The following DHTKD1 variants were observed in gnomAD, a reference collection of about 807,000 sequenced individuals.
DHTKD1 encodes 2-oxoadipate dehydrogenase complex component E1.
In DHTKD1, 78 loss-of-function variants were observed where a neutral mutation model predicts 101.8. That is an observed-to-expected ratio of 0.77 (90% confidence interval 0.64 to 0.93). The LOEUF (loss-of-function observed/expected upper bound fraction) is 0.93. DHTKD1 is among the 40% of genes least tolerant of loss of function. The pLI, the probability that DHTKD1 is intolerant of heterozygous loss-of-function variation, is 0.00. For missense variants in DHTKD1, 1,223 were observed against 1,161.7 expected (o/e 1.05, Z -0.77); for synonymous variants, 462 against 450.3 (o/e 1.03, Z -0.33).
Position 12,081,453 on chromosome 10 carries a change from A to T in DHTKD1, c.155-19A>T, listed in dbSNP as rs1203283933. 7.4e-6 allele frequency: 12 copies of T among 1,612,084 alleles called. No individual in the cohort carries two copies. The African/African-American group carries it at 8.0e-5, about 11-fold the overall frequency. On this transcript the variant is annotated intron_variant, in intron 1 of 16. Coordinates refer to ENST00000263035, the MANE Select transcript of DHTKD1 (RefSeq NM_018706.7). ...CATCTCCTAAACTGTTTGCATTTTT[A>T]AATTTTCCCCTGATTTAGTTGATCA...
intron 1 of DHTKD1, among the ~76,000 whole-genome samples, chr10:12,074,378 C>T (rs183719184): frequency 1.2e-3 from 182 of 152,010 alleles, no homozygotes; most frequent in African/African-American, 4.2e-3. Context: ...GTTTTTGAGA[C>T]GGAGTCTTGC....
chr10:12,069,263 G>A, intron 1 of DHTKD1, 76 bp downstream of exon 1: 1 of 1,343,332 alleles, frequency 7.4e-7, no homozygotes, highest in East Asian at 2.7e-5. Context: ...GCGGTGGGGT[G>A]TCGGGGTCGG....
rs755428426 is a variant in DHTKD1, at chr10:12,106,330, T to G, written c.1981T>G (p.Trp661Gly). ...TGAGAGCCCAAAGTTACTGCCCCTG[T>G]GGGAGGCACAGTTTGGCGATTTCTT... is the stretch of plus-strand genomic sequence containing the variant. ...SIESPKLLPLWEAQFGDFFNG... is the reference protein window; with the variant it reads ...SIESPKLLPLGEAQFGDFFNG... The change falls in exon 11 of 17, where the codon TGG becomes GGG. Residue 661 changes from tryptophan to glycine, a missense_variant. Coordinates refer to ENST00000263035, the MANE Select transcript of DHTKD1 (RefSeq NM_018706.7). 7.4e-6 allele frequency: 12 copies of G among 1,614,018 alleles called. No homozygotes were observed. The highest frequency in any genetic ancestry group is 1.0e-5 in the Non-Finnish European group (12 of 1,180,030).
intron 10 of DHTKD1, among the ~76,000 whole-genome samples, chr10:12,105,624 T>C (rs1287821474): frequency 6.6e-6 from 1 of 152,148 alleles, no homozygotes; most frequent in Non-Finnish European, 1.5e-5. Context: ...TTTGAAAAGC[T>C]TATAAGACGC....
intron 7 of DHTKD1, among the ~76,000 whole-genome samples, chr10:12,097,386 C>T (rs1331824195): frequency 1.3e-5 from 2 of 152,148 alleles, no homozygotes; most frequent in African/African-American, 4.8e-5. Flanking sequence ...AATTCTCCTG[C>T]CTCAGCCTCC....
Position 12,097,750 on chromosome 10 carries a change from G to T in DHTKD1, c.1425G>T (p.Glu475Asp). ...HLIAGGLMTQ[E>D]EVSEIKSSYY... ...TTGCTGGCGGACTCATGACGCAGGA[G>T]GAGGTGTCTGAAATAAAATCCTCCT... Residue 475 changes from glutamate (E) to aspartate (D), a missense_variant, in exon 8 of 17, where the codon GAG becomes GAT. Physicochemically the swap from Glu to Asp is conservative, Grantham distance 45 (BLOSUM62 2). Transcript: ENST00000263035. The T allele has an allele frequency of 6.2e-7, 1 of 1,614,170 alleles. No homozygotes were observed. The highest frequency in any genetic ancestry group is 8.5e-7 in the Non-Finnish European group (1 of 1,180,006).
intron 15 of DHTKD1, 23 bp downstream of exon 15, chr10:12,118,941 G>A: frequency 6.8e-7 from 1 of 1,479,558 alleles, no homozygotes. Context: ...TCTCATTTGG[G>A]TTTTGATGTT....
At chr10:12,100,301 TG>T (rs762749241) in intron 9 of DHTKD1, 39 bp downstream of exon 9, 3 of 837,328 alleles carry the variant, frequency 3.6e-6, no homozygotes, top group Non-Finnish European at 3.6e-6. Flanking sequence ...TTTTTTTTTT[TG>T]AGTCTCACCC....
intron 11 of DHTKD1, 58 bp downstream of exon 11, chr10:12,106,454 G>C: frequency 6.3e-7 from 1 of 1,599,182 alleles, no homozygotes; most frequent in Non-Finnish European, 8.6e-7. Flanking sequence ...CCCCAGCCTC[G>C]TGGGGACAAA....
chr10:12,069,474 T>C (rs895123682), intron 1 of DHTKD1, among the ~76,000 whole-genome samples: 1 of 151,724 alleles, frequency 6.6e-6, no homozygotes. Flanking sequence ...TTTCCTTTGT[T>C]GGAAACGTGT....
In DHTKD1 at chr10:12,091,687, A is replaced by G. The variant is rs753687291; in HGVS notation, c.1159+3A>G. ...TTCTTTATACTGCAGTGATATTGGT[A>G]CGTAACACAGGGAGGAACTGATATT... On this transcript the variant is annotated splice_donor_region_variant and intron_variant, in intron 6 of 16. Coordinates refer to ENST00000263035, the MANE Select transcript of DHTKD1 (RefSeq NM_018706.7). 1.9e-6 allele frequency: 3 copies of G among 1,613,070 alleles called. No individual in the cohort carries two copies. The highest frequency in any genetic ancestry group is 2.5e-6 in the Non-Finnish European group (3 of 1,179,502).
intron 1 of DHTKD1, 129 bp from the exon 2 acceptor site, chr10:12,081,343 T>G: frequency 1.5e-6 from 1 of 668,416 alleles, no homozygotes; most frequent in Non-Finnish European, 2.5e-6. Flanking sequence ...CAAGACCCTG[T>G]CTCTAAAATA....
intron 7 of DHTKD1, among the ~76,000 whole-genome samples, chr10:12,095,367 A>G (rs539439173): frequency 1.4e-4 from 22 of 152,340 alleles, no homozygotes; most frequent in African/African-American, 4.8e-4. Context: ...TAATGAGTAT[A>G]TTGACTTAAA....
intron 1 of DHTKD1, among the ~76,000 whole-genome samples, chr10:12,079,069 G>T (rs752435037): frequency 6.6e-6 from 1 of 152,166 alleles, no homozygotes; most frequent in African/African-American, 2.4e-5. Flanking sequence ...CTTGGGCAGA[G>T]CTGGGGAGTA....
chr10:12,101,550 G>T (rs906917230), intron 10 of DHTKD1, among the ~76,000 whole-genome samples: 1 of 152,114 alleles, frequency 6.6e-6, no homozygotes, highest in African/African-American at 2.4e-5. Flanking sequence ...CATCCTCAAG[G>T]TTACCTGTTC....
At position 12,101,117 on chromosome 10, in the gene DHTKD1, A is replaced by G. The variant is rs147938299; in HGVS notation, c.1832A>G (p.Gln611Arg). The change falls in exon 10 of 17, where the codon CAG becomes CGG. Residue 611 changes from glutamine to arginine, a missense_variant. Physicochemically the swap from Gln to Arg is conservative, Grantham distance 43 (BLOSUM62 1). Transcript: ENST00000263035. ...CAGAGGCATGCAATCGTGGTTTGCC[A>G]GGAGACGGATGACACCTACATCCCC... Reference protein sequence around the residue: ...FSQRHAIVVCQETDDTYIPLN... With the variant: ...FSQRHAIVVCRETDDTYIPLN... 4.1e-4 allele frequency: 662 copies of G among 1,614,122 alleles called. 4 individuals carry two copies. In the African/African-American group the frequency reaches 8.1e-3, roughly 20 times the overall value.
intron 12 of DHTKD1, among the ~76,000 whole-genome samples, chr10:12,112,131 A>G (rs919859462): frequency 1.3e-5 from 2 of 152,050 alleles, no homozygotes; most frequent in Non-Finnish European, 2.9e-5. Context: ...CCTGGGCATC[A>G]TAACAAGACC....
chr10:12,106,198 C>T, intron 10 of DHTKD1, 48 bp from the exon 11 acceptor site: 1 of 1,608,628 alleles, frequency 6.2e-7, no homozygotes, highest in Non-Finnish European at 8.5e-7. Context: ...GCCCAGTGCT[C>T]TGCCGTGGCC....
rs1017447763 is a variant in DHTKD1, at chr10:12,097,779, A to G, written c.1454A>G (p.Tyr485Cys). The G allele has an allele frequency of 2.5e-6, 4 of 1,614,072 alleles. No individual in the cohort carries two copies. Among genetic ancestry groups the G allele is most frequent in the Admixed American group, 3.3e-5 (2 of 59,982 alleles). The change falls in exon 8 of 17, where the codon TAT becomes TGT. Residue 485 changes from tyrosine to cysteine, a missense_variant. By Grantham distance (194) the Tyr-to-Cys change is radical. Transcript: ENST00000263035. ...EEVSEIKSSY[Y>C]AKLNDHLNNM... ...GTGTCTGAAATAAAATCCTCCTACT[A>G]TGCCAAGTTGAATGATCACTTAAAT...
Sources: allele counts gnomAD v4.1 joint callset (sites outside exome capture counted in the v4.1 genomes callset), GRCh38; gene constraint gnomAD v4.1.1; transcripts MANE v1.5; gene names NCBI Gene and HGNC (gene_info 2026-07-23, HGNC 2026-07-21).